The following SGCD variants were observed in gnomAD, a reference collection of about 807,000 sequenced individuals.
SGCD encodes delta-sarcoglycan.
A neutral mutation model predicts 36.6 loss-of-function variants in SGCD; 18 were observed. That is an observed-to-expected ratio of 0.49 (90% CI 0.34 to 0.73). SGCD has a LOEUF of 0.73. Ranked by LOEUF, SGCD falls within the 30% of genes least tolerant of loss-of-function variation. The pLI is 0.01. For synonymous variants in SGCD, 133 were observed against 130.6 expected, an observed-to-expected ratio of 1.02 and a Z score of -0.12; for missense variants, 387 against 346.7, an observed-to-expected ratio of 1.12 and a Z score of -0.92.
At chr5:156,420,120 C>T (rs1773233839) in intron 3 of SGCD, among the ~76,000 whole-genome samples, 1 of 152,110 alleles carries the variant, frequency 6.6e-6, no homozygotes, top group East Asian at 1.9e-4. Flanking sequence ...AATATTTACT[C>T]ACACTTTGCC....
At chr5:156,258,310 G>A (rs1027161391) in intron 3 of SGCD, among the ~76,000 whole-genome samples, 3 of 152,144 alleles carry the variant, frequency 2.0e-5, no homozygotes, top group African/African-American at 7.2e-5. Flanking sequence ...ATATTTGGAA[G>A]ACCCATATAA....
intron 7 of SGCD, among the ~76,000 whole-genome samples, chr5:156,695,394 A>C (rs922721950): frequency 1.3e-5 from 2 of 152,122 alleles, no homozygotes; most frequent in African/African-American, 2.4e-5. Flanking sequence ...TCCAAATTGC[A>C]TGGCAACTCT....
At chr5:156,701,585 G>C (rs550238031) in intron 7 of SGCD, among the ~76,000 whole-genome samples, 1 of 152,292 alleles carries the variant, frequency 6.6e-6, no homozygotes, top group South Asian at 2.1e-4. Flanking sequence ...GAAGGGAAGA[G>C]AGGCAGGGGA....
chr5:156,652,568 CTTTTT>C (rs1763503516), intron 7 of SGCD, among the ~76,000 whole-genome samples: 1 of 152,060 alleles, frequency 6.6e-6, no homozygotes, highest in South Asian at 2.1e-4. Context: ...GACTTCTTTT[CTTTTT>C]ATTTATTTCT....
intron 3 of SGCD, among the ~76,000 whole-genome samples, chr5:156,347,867 G>T (rs936712792): frequency 1.3e-5 from 2 of 152,090 alleles, no homozygotes; most frequent in African/African-American, 4.8e-5. Flanking sequence ...TATGAAATCG[G>T]CTCTTTCCTG....
At chr5:156,208,711 T>C (rs1166275696) in intron 3 of SGCD, among the ~76,000 whole-genome samples, 1 of 152,226 alleles carries the variant, frequency 6.6e-6, no homozygotes, top group Non-Finnish European at 1.5e-5. Flanking sequence ...TCTTCATTAA[T>C]TGTCTTTGTG....
chr5:156,078,682 G>A (rs551673442), intron 1 of SGCD, among the ~76,000 whole-genome samples: 22 of 144,712 alleles, frequency 1.5e-4, no homozygotes, highest in East Asian at 6.0e-4. Context: ...ATATATATGC[G>A]TGTGTGTGTG....
At chr5:156,607,943 G>T (rs867235884) in intron 6 of SGCD, among the ~76,000 whole-genome samples, 123 of 151,594 alleles carry the variant, frequency 8.1e-4, no homozygotes, top group African/African-American at 2.9e-3. Context: ...TTTTCTTCTT[G>T]GTTAGTCTTG....
chr5:156,132,689 C>T (rs911630543), intron 3 of SGCD, among the ~76,000 whole-genome samples: 1 of 151,358 alleles, frequency 6.6e-6, no homozygotes. Flanking sequence ...AGGATGGTCT[C>T]GATCTCCTGA....
chr5:156,126,310 G>A (rs766515186), intron 3 of SGCD, among the ~76,000 whole-genome samples: 92 of 152,106 alleles, frequency 6.0e-4, no homozygotes, highest in Non-Finnish European at 1.0e-3. Context: ...TGAGAGTATC[G>A]AACTTTAATT....
intron 7 of SGCD, among the ~76,000 whole-genome samples, chr5:156,718,127 A>G (rs533945966): frequency 6.6e-6 from 1 of 152,236 alleles, no homozygotes; most frequent in Non-Finnish European, 1.5e-5. Flanking sequence ...CACAAGCTGC[A>G]TTGTAATACA....
intron 3 of SGCD, among the ~76,000 whole-genome samples, chr5:156,405,953 C>G (rs1450824779): frequency 6.8e-6 from 1 of 146,326 alleles, no homozygotes; most frequent in Non-Finnish European, 1.5e-5. Flanking sequence ...ATCAACACGC[C>G]TCTTGGATTT....
chr5:155,834,644 ACGTTTGACAATT>A, the SGCD span, among the ~76,000 whole-genome samples: 1 of 152,146 alleles, frequency 6.6e-6, no homozygotes, highest in South Asian at 2.1e-4. Context: ...TGTGTCATGT[ACGTTTGACAATT>A]CTTTCGTGCT....
At chr5:155,800,933 C>T in the SGCD span, among the ~76,000 whole-genome samples, 1 of 152,162 alleles carries the variant, frequency 6.6e-6, no homozygotes, top group Non-Finnish European at 1.5e-5. Flanking sequence ...ACAGTTAAAT[C>T]ATGCTTGTCT....
intron 7 of SGCD, among the ~76,000 whole-genome samples, chr5:156,681,823 C>A (rs1445044749): frequency 6.6e-6 from 1 of 152,194 alleles, no homozygotes; most frequent in Non-Finnish European, 1.5e-5. Context: ...TATTCATATT[C>A]TTGATTTATT....
chr5:156,164,954 G>T (rs1339431934), intron 3 of SGCD, among the ~76,000 whole-genome samples: 2 of 152,188 alleles, frequency 1.3e-5, no homozygotes, highest in Non-Finnish European at 2.9e-5. Context: ...CTGGAAAATT[G>T]ACATGAAAAT....
intron 1 of SGCD, among the ~76,000 whole-genome samples, chr5:156,014,965 A>G (rs185200518): frequency 1.3e-5 from 2 of 152,312 alleles, no homozygotes; most frequent in African/African-American, 2.4e-5. Flanking sequence ...ATCTGAAGGC[A>G]TGTCGTGACC....
chr5:156,185,404 CG>C (rs1763716679), intron 3 of SGCD, among the ~76,000 whole-genome samples: 1 of 151,680 alleles, frequency 6.6e-6, no homozygotes, highest in South Asian at 2.1e-4. Context: ...TTAGCAGAGA[CG>C]GGGTTTCACC....
At chr5:156,052,911 T>C (rs1431916522) in intron 1 of SGCD, among the ~76,000 whole-genome samples, 1 of 146,202 alleles carries the variant, frequency 6.8e-6, no homozygotes, top group Non-Finnish European at 1.5e-5. Flanking sequence ...GGGGCAGAGT[T>C]AATCACTGCT....
Sources: gnomAD v4.1 joint callset for allele counts (sites outside exome capture counted in the v4.1 genomes callset) on GRCh38, gnomAD v4.1.1 for gene constraint, MANE v1.5 for transcripts, NCBI Gene and HGNC (gene_info 2026-07-23, HGNC 2026-07-21) for gene names.